The following SRRM4 variants were observed in gnomAD, a reference collection of about 807,000 sequenced individuals.
The protein encoded by SRRM4 is serine/arginine repetitive matrix protein 4.
Under a neutral mutation model 68.9 loss-of-function variants are expected in SRRM4, and 33 were observed. The ratio of observed to expected loss-of-function variants is 0.48; its 90% CI spans 0.36 to 0.64. The LOEUF (loss-of-function observed/expected upper bound fraction) is 0.64. Among genes scored for constraint, SRRM4 ranks in the 30% least tolerant of loss-of-function variants. SRRM4 has a pLI of 0.00. For missense variants in SRRM4, 817 were observed against 827.1 expected (o/e 0.99, Z 0.15); for synonymous variants, 318 against 318.8 (o/e 1.00, Z 0.03).
At chr12:119,075,081 T>G (rs1953900011) in intron 1 of SRRM4, among the ~76,000 whole-genome samples, 1 of 152,188 alleles carries the variant, frequency 6.6e-6, no homozygotes, top group African/African-American at 2.4e-5. Context: ...GTGTCCCTTC[T>G]GTAAGGTCTG....
intron 1 of SRRM4, among the ~76,000 whole-genome samples, chr12:118,999,101 G>A (rs2135992417): frequency 6.6e-6 from 1 of 152,308 alleles, no homozygotes; most frequent in African/African-American, 2.4e-5. Flanking sequence ...ACAGGGCAAA[G>A]GTATTCTTTA....
chr12:119,076,625 G>T (rs942094050), intron 1 of SRRM4, among the ~76,000 whole-genome samples: 2 of 152,158 alleles, frequency 1.3e-5, no homozygotes, highest in Non-Finnish European at 2.9e-5. Flanking sequence ...AAGAAGTAAG[G>T]GCTGGTCACA....
chr12:119,116,811 T>C (rs1474352946), intron 3 of SRRM4, 126 bp from the exon 4 acceptor site: 14 of 653,114 alleles, frequency 2.1e-5, no homozygotes, highest in Non-Finnish European at 3.7e-5. Flanking sequence ...TCAGCATGGA[T>C]ATTATCTTTG....
intron 2 of SRRM4, 81 bp downstream of exon 2, chr12:119,102,463 G>A: frequency 9.0e-7 from 1 of 1,109,682 alleles, no homozygotes; most frequent in Non-Finnish European, 1.3e-6. Context: ...CCTCTCTTAT[G>A]CAAGTTCCTC....
intron 1 of SRRM4, among the ~76,000 whole-genome samples, chr12:119,080,992 G>A (rs10849626): frequency 0.57 from 87,002 of 152,002 alleles, 25,884 homozygotes; most frequent in Middle Eastern, 0.76. Flanking sequence ...CACAACTGAG[G>A]GTGAGGAGCT....
intron 2 of SRRM4, among the ~76,000 whole-genome samples, chr12:119,106,027 T>C (rs1476724957): frequency 6.6e-6 from 1 of 152,230 alleles, no homozygotes; most frequent in Non-Finnish European, 1.5e-5. Context: ...TTTCTACATA[T>C]GGCTAGCCAG....
At chr12:119,060,623 C>T (rs1302766524) in intron 1 of SRRM4, among the ~76,000 whole-genome samples, 1 of 151,734 alleles carries the variant, frequency 6.6e-6, no homozygotes, top group Non-Finnish European at 1.5e-5. Flanking sequence ...TCACAAGACC[C>T]CCTCCCAAGT....
At chr12:119,007,700 A>T (rs1028503668) in intron 1 of SRRM4, among the ~76,000 whole-genome samples, 1 of 152,190 alleles carries the variant, frequency 6.6e-6, no homozygotes, top group Non-Finnish European at 1.5e-5. Flanking sequence ...AATAACAACC[A>T]GAACTTGAAT....
At chr12:119,026,899 C>T (rs1331334519) in intron 1 of SRRM4, among the ~76,000 whole-genome samples, 1 of 152,196 alleles carries the variant, frequency 6.6e-6, no homozygotes, top group Non-Finnish European at 1.5e-5. Context: ...TTATCCACAA[C>T]ACCTCGGGTG....
intron 8 of SRRM4, among the ~76,000 whole-genome samples, chr12:119,137,250 C>T (rs568053278): frequency 1.1e-4 from 17 of 152,160 alleles, no homozygotes; most frequent in Admixed American, 9.8e-4. Flanking sequence ...ATTTGAAGCT[C>T]AGTAAATGGA....
At chr12:119,089,371 A>T (rs1458450609) in intron 1 of SRRM4, among the ~76,000 whole-genome samples, 1 of 152,224 alleles carries the variant, frequency 6.6e-6, no homozygotes, top group Non-Finnish European at 1.5e-5. Flanking sequence ...GGCAGATAAA[A>T]GTCCCAACGG....
chr12:119,007,075 A>G (rs1287410828), intron 1 of SRRM4, among the ~76,000 whole-genome samples: 1 of 152,182 alleles, frequency 6.6e-6, no homozygotes, highest in African/African-American at 2.4e-5. Context: ...GCAGCCCCTT[A>G]GCAGCTGGTT....
intron 1 of SRRM4, among the ~76,000 whole-genome samples, chr12:119,085,167 G>C (rs1030179757): frequency 6.6e-6 from 1 of 152,222 alleles, no homozygotes; most frequent in Non-Finnish European, 1.5e-5. Flanking sequence ...CTCCCAAAGT[G>C]CTGGGATTAC....
At chr12:119,079,339 AT>A (rs777094307) in intron 1 of SRRM4, among the ~76,000 whole-genome samples, 37 of 152,290 alleles carry the variant, frequency 2.4e-4, no homozygotes, top group Non-Finnish European at 3.5e-4. Flanking sequence ...AATCCAAAGG[AT>A]TTTAATCATG....
At chr12:119,105,634 G>C (rs1428834506) in intron 2 of SRRM4, among the ~76,000 whole-genome samples, 1 of 152,138 alleles carries the variant, frequency 6.6e-6, no homozygotes, top group Non-Finnish European at 1.5e-5. Context: ...AGAAGTGTCT[G>C]TTCATATCCT....
At chr12:119,100,458 C>T (rs1388652778) in intron 1 of SRRM4, among the ~76,000 whole-genome samples, 1 of 151,874 alleles carries the variant, frequency 6.6e-6, no homozygotes, top group African/African-American at 2.4e-5. Context: ...TCACTGCACT[C>T]CATCCTGGAC....
intron 1 of SRRM4, among the ~76,000 whole-genome samples, chr12:119,078,149 C>G (rs769338584): frequency 2.6e-5 from 4 of 152,188 alleles, no homozygotes; most frequent in Non-Finnish European, 4.4e-5. Flanking sequence ...TACTGGATAT[C>G]ATTTTCATGA....
intron 1 of SRRM4, among the ~76,000 whole-genome samples, chr12:119,069,987 G>T (rs74353813): frequency 0.041 from 6,189 of 152,244 alleles, 183 homozygotes; most frequent in South Asian, 0.064. Flanking sequence ...GTTGTGAATT[G>T]CGGGGAGGTG....
chr12:119,012,543 T>C (rs937125512), intron 1 of SRRM4, among the ~76,000 whole-genome samples: 2 of 152,222 alleles, frequency 1.3e-5, no homozygotes, highest in African/African-American at 4.8e-5. Context: ...TTTCTCTTGT[T>C]GTTCTCATTC....
Sources: gnomAD v4.1 joint callset for allele counts (sites outside exome capture counted in the v4.1 genomes callset) on GRCh38, gnomAD v4.1.1 for gene constraint, MANE v1.5 for transcripts, NCBI Gene and HGNC (gene_info 2026-07-23, HGNC 2026-07-21) for gene names.